The following PPP4R3C variants were observed in gnomAD, a reference collection of about 807,000 sequenced individuals.
PPP4R3C encodes the protein protein phosphatase 4 regulatory subunit 3C.
For synonymous variants in PPP4R3C, 150 were observed against 86.5 expected (o/e 1.73, Z -4.07); for missense variants, 372 against 237.3 (o/e 1.57, Z -3.73).
Position 27,461,432 on chromosome X carries a change from A to G in PPP4R3C, c.1865T>C (p.Ile622Thr). The change falls in exon 1 of 1, where the codon ATA (isoleucine) becomes ACA (threonine). Residue 622 changes from isoleucine (I) to threonine (T), a missense_variant. Ile to Thr is a moderately conservative substitution (Grantham distance 89). Coordinates refer to ENST00000412172, the MANE Select transcript of PPP4R3C (RefSeq NM_207319.4). ...VENIKPLVSH[I>T]VEKFYNTLES... ...AAGTGTGTTATAAAACTTTTCAACT[A>G]TATGTGAAACAAGAGGCTTGATATT... 1.9e-6 allele frequency: 1 copy of G among 515,878 alleles called. No individual in the cohort carries two copies. The highest frequency in any genetic ancestry group is 3.5e-6 in the Non-Finnish European group (1 of 286,958). The allele number at this position is 515,878 out of a possible 1,213,427, so 42.5% of individuals were successfully genotyped here.
Position 27,463,267 on chromosome X carries a change from G to C in PPP4R3C, c.30C>G (p.Val10=). ...ATTCCTCGTCTTCGTTCAGGACATA[G>C]ACTTTTACACTGTACCTCAGGCCTG... is the stretch of plus-strand genomic sequence containing the variant. MAGLRYSVK[V]YVLNEDEEWN... Residue 10 remains valine (V), a synonymous_variant, in exon 1 of 1, where the codon GTC becomes GTG. Coordinates refer to ENST00000412172, the MANE Select transcript of PPP4R3C (RefSeq NM_207319.4). 1 of 514,455 alleles carries C rather than the reference G, an allele frequency of 1.9e-6. No individual in the cohort carries two copies. Among genetic ancestry groups the C allele is most frequent in the Non-Finnish European group, 3.5e-6 (1 of 286,694 alleles). The allele number at this position is 514,455 out of a possible 1,213,427, so 42.4% of individuals were successfully genotyped here.
In PPP4R3C at chrX:27,463,263, C is replaced by T. The variant is rs189746792; in HGVS notation, c.34G>A (p.Val12Ile). The T allele has an allele frequency of 5.9e-6, 3 of 512,668 alleles. No individual in the cohort carries two copies. In the South Asian group the frequency reaches 7.4e-5, roughly 13 times the overall value. The allele number at this position is 512,668 out of a possible 1,213,427, so 42.2% of individuals were successfully genotyped here. ...AGLRYSVKVYVLNEDEEWNNL... is the reference protein window; with the variant it reads ...AGLRYSVKVYILNEDEEWNNL... ...TTCCATTCCTCGTCTTCGTTCAGGACATAGACTTTTACACTGTACCTCAGG... is the reference window on the plus strand; with the variant it reads ...TTCCATTCCTCGTCTTCGTTCAGGATATAGACTTTTACACTGTACCTCAGG... The change falls in exon 1 of 1, where the codon GTC becomes ATC. Residue 12 changes from valine (V) to isoleucine (I), a missense_variant. By Grantham distance (29) the Val-to-Ile change is conservative. Coordinates refer to ENST00000412172, the MANE Select transcript of PPP4R3C (RefSeq NM_207319.4).
At position 27,462,828 on chromosome X, in the gene PPP4R3C, T is replaced by G. The variant is rs189249657; in HGVS notation, c.469A>C (p.Thr157Pro). 473 of 513,982 alleles carry G rather than the reference T, an allele frequency of 9.2e-4. 1 individual carries two copies. Among genetic ancestry groups the G allele is most frequent in the African/African-American group, 8.9e-3 (385 of 43,447 alleles). 42.4% of individuals were successfully genotyped at this position (513,982 alleles called of 1,213,427 possible). Residue 157 changes from threonine (T) to proline (P), a missense_variant, in exon 1 of 1, where the codon ACG becomes CCG. By Grantham distance (38) the Thr-to-Pro change is conservative. Transcript: ENST00000412172. ...IVTSVFSSPV[T>P]DRERLAEILK... is the part of the protein sequence containing the mutation. The stretch of plus-strand genomic sequence containing the variant: ...ATCTCAGCCAGTCTTTCCCTATCCG[T>G]AACAGGTGACGAGAAAACTGAGGTA...
chrX:27,463,027 G>A lies in PPP4R3C; in HGVS notation c.270C>T (p.Cys90=), dbSNP rs1923004676. Residue 90 remains cysteine (C), a synonymous_variant, in exon 1 of 1, where the codon TGC becomes TGT. Coordinates refer to ENST00000412172, the MANE Select transcript of PPP4R3C (RefSeq NM_207319.4). ...LVLKFQDPAG[C]QDIWKEICQA... is the part of the protein sequence containing the mutation. ...GGCAAATTTCTTTCCAAATATCCTG[G>A]CAGCCGGCTGGGTCCTGGAATTTTA... 3.9e-6 allele frequency: 2 copies of A among 512,716 alleles called. No individual in the cohort carries two copies. Among genetic ancestry groups the A allele is most frequent in the African/African-American group, 2.3e-5 (1 of 43,026 alleles). 42.3% of individuals were successfully genotyped at this position (512,716 alleles called of 1,213,427 possible). A position where few individuals can be genotyped will look rare whatever the true frequency, so the allele number is the denominator to read the frequency against.
chrX:27,461,649 G>A lies in PPP4R3C; in HGVS notation c.1648C>T (p.His550Tyr). Residue 550 changes from histidine (H) to tyrosine (Y), a missense_variant, in exon 1 of 1, where the codon CAT becomes TAT. His to Tyr is a moderately conservative substitution (Grantham distance 83, BLOSUM62 2). Transcript: ENST00000412172. Reference sequence around the variant, plus strand: ...AGAACACACAAAATCAGGTGAGTATGCTTTGAATTCATCAATATCAAGGCC... The same window carrying A: ...AGAACACACAAAATCAGGTGAGTATACTTTGAATTCATCAATATCAAGGCC... ...RKALILMNSK[H>Y]THLILCVLRF... is the part of the protein sequence containing the mutation. 3.9e-6 allele frequency: 2 copies of A among 515,615 alleles called. No individual in the cohort carries two copies. The highest frequency in any genetic ancestry group is 7.0e-6 in the Non-Finnish European group (2 of 287,036). The allele number at this position is 515,615 out of a possible 1,213,427, so 42.5% of individuals were successfully genotyped here.
chrX:27,462,903 C>A lies in PPP4R3C; in HGVS notation c.394G>T (p.Val132Leu). The change falls in exon 1 of 1, where the codon GTG (valine) becomes TTG (leucine). Residue 132 changes from valine to leucine, a missense_variant. Transcript: ENST00000412172. ...GTATTGAGTTCACAGTCAGGCAGCA[C>A]AACCATATTACTAATTACTGACATT... Reference protein sequence around the residue: ...NEMSVISNMVVLPDCELNTLD... With the variant: ...NEMSVISNMVLLPDCELNTLD... 1.9e-6 allele frequency: 1 copy of A among 515,272 alleles called. No homozygotes were observed. The highest frequency in any genetic ancestry group is 2.3e-5 in the African/African-American group (1 of 43,905). The allele number at this position is 515,272 out of a possible 1,213,427, so 42.5% of individuals were successfully genotyped here.
In PPP4R3C at chrX:27,460,698, A is replaced by T; in HGVS notation, c.*100T>A. On this transcript the variant is annotated 3_prime_UTR_variant, in exon 1 of 1. Transcript: ENST00000412172. ...CTCGTTATATCTGTGATTTATCATT[A>T]TAAGTTCACATGAAAAAGCTTGTGG... is the stretch of plus-strand genomic sequence containing the variant. 1 of 418,116 alleles carries T rather than the reference A, an allele frequency of 2.4e-6. No individual in the cohort carries two copies. Among genetic ancestry groups the T allele is most frequent in the Non-Finnish European group, 4.1e-6 (1 of 243,557 alleles). 34.5% of individuals were successfully genotyped at this position (418,116 alleles called of 1,213,427 possible).
rs760590983 is a variant in PPP4R3C at position 27,462,934 on chromosome X, A to G, written c.363T>C (p.Phe121=). 3 of 515,181 alleles carry G rather than the reference A, an allele frequency of 5.8e-6. No homozygotes were observed. The highest frequency in any genetic ancestry group is 1.0e-5 in the Non-Finnish European group (3 of 287,067). 42.5% of individuals were successfully genotyped at this position (515,181 alleles called of 1,213,427 possible). A position where few individuals can be genotyped will look rare whatever the true frequency, so the allele number is the denominator to read the frequency against. ...TATTACTAATTACTGACATTTCATT[A>G]AAGTCTTCCTCTGGTTCATCTGAAA... ...VNISDEPEED[F]NEMSVISNMV... Residue 121 remains phenylalanine (F), a synonymous_variant, in exon 1 of 1, where the codon TTT becomes TTC. Coordinates refer to ENST00000412172, the MANE Select transcript of PPP4R3C (RefSeq NM_207319.4).
In PPP4R3C at chrX:27,463,180, C is replaced by A; in HGVS notation, c.117G>T (p.Ser39=). The change falls in exon 1 of 1, where the codon TCG becomes TCT. Residue 39 remains serine (S), a synonymous_variant. Coordinates refer to ENST00000412172, the MANE Select transcript of PPP4R3C (RefSeq NM_207319.4). The part of the protein sequence containing the change: ...STYDEQFQGM[S]LLVRSDSDGS... ...CATCTGAATCTGACCGAACAAGCAGCGACATGCCCTGGAACTGCTCGTCAT... is the reference window on the plus strand; with the variant it reads ...CATCTGAATCTGACCGAACAAGCAGAGACATGCCCTGGAACTGCTCGTCAT... 1.9e-6 allele frequency: 1 copy of A among 514,844 alleles called. No individual in the cohort carries two copies. The highest frequency in any genetic ancestry group is 3.5e-6 in the Non-Finnish European group (1 of 286,981). 42.4% of individuals were successfully genotyped at this position (514,844 alleles called of 1,213,427 possible).
chrX:27,462,028 C>G lies in PPP4R3C; in HGVS notation c.1269G>C (p.Met423Ile), dbSNP rs968573407. 1 of 528,725 alleles carries G rather than the reference C, an allele frequency of 1.9e-6. No individual in the cohort carries two copies. 43.6% of individuals were successfully genotyped at this position (528,725 alleles called of 1,213,427 possible). The change falls in exon 1 of 1, where the codon ATG (methionine) becomes ATC (isoleucine). Residue 423 changes from methionine (M) to isoleucine (I), a missense_variant. Transcript: ENST00000412172. ...CTAACTCAGGATCAGTATCACAGAT[C>G]ATTTGTTTAATTATTACATTAATGA... ...DLFINVIIKQ[M>I]ICDTDPELGG... is the part of the protein sequence containing the mutation.
rs1408912282 is a variant in PPP4R3C, at chrX:27,462,729, C to T, written c.568G>A (p.Gly190Ser). ...ATAATTTCATACAAATGGTGTAAAC[C>T]TTCAGTATTCTCTAGATTTTCACAA... ...HTCENLENTE[G>S]LHHLYEIIKG... The change falls in exon 1 of 1, where the codon GGT becomes AGT. Residue 190 changes from glycine to serine, a missense_variant. Transcript: ENST00000412172. The T allele has an allele frequency of 1.9e-6, 1 of 520,550 alleles. No homozygotes were observed. The allele number at this position is 520,550 out of a possible 1,213,427, so 42.9% of individuals were successfully genotyped here.
In PPP4R3C at chrX:27,461,023, T is replaced by C. The variant is rs750640410; in HGVS notation, c.2274A>G (p.Glu758=). The C allele has an allele frequency of 3.4e-4, 172 of 512,499 alleles. No individual in the cohort carries two copies. In the Middle Eastern group the frequency reaches 4.7e-3, roughly 14 times the overall value. 42.2% of individuals were successfully genotyped at this position (512,499 alleles called of 1,213,427 possible). ...FMETKRNQEH[E]GKVDSPKRTS... is the part of the protein sequence containing the mutation. ...TTCTTTTGGGAGAGTCTACCTTGCC[T>C]TCATGTTCTTGGTTTCTTTTAGTCT... The change falls in exon 1 of 1, where the codon GAA becomes GAG. Residue 758 remains glutamate (E), a synonymous_variant. Transcript: ENST00000412172.
rs1923000568 is a variant in PPP4R3C, at chrX:27,462,841, G to A, written c.456C>T (p.Phe152=). The A allele has an allele frequency of 1.9e-6, 1 of 513,746 alleles. No homozygotes were observed. The highest frequency in any genetic ancestry group is 3.5e-6 in the Non-Finnish European group (1 of 286,909). 42.3% of individuals were successfully genotyped at this position (513,746 alleles called of 1,213,427 possible). A position where few individuals can be genotyped will look rare whatever the true frequency, so the allele number is the denominator to read the frequency against. Residue 152 remains phenylalanine (F), a synonymous_variant, in exon 1 of 1, where the codon TTC becomes TTT. Transcript: ENST00000412172. ...TTTCCCTATCCGTAACAGGTGACGA[G>A]AAAACTGAGGTAACTATGTCAGCAA... ...DQIADIVTSV[F]SSPVTDRERL... is the part of the protein sequence containing the mutation.
At position 27,461,856 on chromosome X, in the gene PPP4R3C, C is replaced by A; in HGVS notation, c.1441G>T (p.Ala481Ser). Reference sequence around the variant, plus strand: ...TCCTCACAGTTGTGTTCTGAGGTGGCAGCCAAAAGTGGTGCTGTAAATTTA... The same window carrying A: ...TCCTCACAGTTGTGTTCTGAGGTGGAAGCCAAAAGTGGTGCTGTAAATTTA... ...MHKFTAPLLA[A>S]TSEHNCEEDD... The change falls in exon 1 of 1, where the codon GCC becomes TCC. Residue 481 changes from alanine to serine, a missense_variant. Ala to Ser is a moderately conservative substitution (Grantham distance 99, BLOSUM62 1). Transcript: ENST00000412172. 2 of 515,062 alleles carry A rather than the reference C, an allele frequency of 3.9e-6. No individual in the cohort carries two copies. Among genetic ancestry groups the A allele is most frequent in the Non-Finnish European group, 3.5e-6 (1 of 286,994 alleles). 42.4% of individuals were successfully genotyped at this position (515,062 alleles called of 1,213,427 possible).
Position 27,460,439 on chromosome X carries a change from A to C in PPP4R3C, c.*359T>G, listed in dbSNP as rs1028328697. On this transcript the variant is annotated 3_prime_UTR_variant, in exon 1 of 1. Transcript: ENST00000412172. ...TTATACAAGTAATTTGTAGGCTTTT[A>C]ACTGAACTGTTATTATTTCTAATAT... 8.1e-6 allele frequency: 1 copy of C among 123,906 alleles called. No homozygotes were observed. Among genetic ancestry groups the C allele is most frequent in the African/African-American group, 3.2e-5 (1 of 31,283 alleles). 10.2% of individuals were successfully genotyped at this position (123,906 alleles called of 1,213,427 possible).
chrX:27,460,728 A>C lies in PPP4R3C; in HGVS notation c.*70T>G. ...TTCACATGAAAAAGCTTGTGGAATC[A>C]GTCTTTTTAGCTTATGGACGTTTAT... On this transcript the variant is annotated 3_prime_UTR_variant, in exon 1 of 1. Coordinates refer to ENST00000412172, the MANE Select transcript of PPP4R3C (RefSeq NM_207319.4). 2.3e-6 allele frequency: 1 copy of C among 429,338 alleles called. No individual in the cohort carries two copies. The highest frequency in any genetic ancestry group is 4.0e-6 in the Non-Finnish European group (1 of 249,481). The allele number at this position is 429,338 out of a possible 1,213,427, so 35.4% of individuals were successfully genotyped here.
At position 27,461,786 on chromosome X, in the gene PPP4R3C, T is replaced by C. The variant is rs976676472; in HGVS notation, c.1511A>G (p.Asp504Gly). The C allele has an allele frequency of 5.8e-6, 3 of 513,957 alleles. No individual in the cohort carries two copies. In the African/African-American group the frequency reaches 6.9e-5, roughly 12 times the overall value. The allele number at this position is 513,957 out of a possible 1,213,427, so 42.4% of individuals were successfully genotyped here. A position where few individuals can be genotyped will look rare whatever the true frequency, so the allele number is the denominator to read the frequency against. ...GYDKSKNCPN[D>G]NQTAQLLALI... Reference sequence around the variant, plus strand: ...AGCAAGCAGTTGTGCTGTTTGATTATCATTGGGGCAATTTTTGCTTTTGTC... The same window carrying C: ...AGCAAGCAGTTGTGCTGTTTGATTACCATTGGGGCAATTTTTGCTTTTGTC... Residue 504 changes from aspartate (D) to glycine (G), a missense_variant, in exon 1 of 1, where the codon GAT becomes GGT. Asp to Gly is a moderately conservative substitution (Grantham distance 94). Transcript: ENST00000412172.
rs775870236 is a variant in PPP4R3C at position 27,461,923 on chromosome X, T to C, written c.1374A>G (p.Glu458=). The C allele has an allele frequency of 3.9e-6, 2 of 515,524 alleles. No homozygotes were observed. Among genetic ancestry groups the C allele is most frequent in the East Asian group, 7.2e-5 (2 of 27,782 alleles). 42.5% of individuals were successfully genotyped at this position (515,524 alleles called of 1,213,427 possible). A position where few individuals can be genotyped will look rare whatever the true frequency, so the allele number is the denominator to read the frequency against. Residue 458 remains glutamate, a synonymous_variant, in exon 1 of 1, where the codon GAA becomes GAG. Coordinates refer to ENST00000412172, the MANE Select transcript of PPP4R3C (RefSeq NM_207319.4). Reference sequence around the variant, plus strand: ...AGAAGAAATGTAGAAATTCACTTCTTTCACTTTTCTCAGGTGTTGTCAGCA... The same window carrying C: ...AGAAGAAATGTAGAAATTCACTTCTCTCACTTTTCTCAGGTGTTGTCAGCA... The part of the protein sequence containing the change: ...RNMLTTPEKS[E]RSEFLHFFYK...
rs1023034584 is a variant in PPP4R3C at position 27,460,848 on chromosome X, C to A, written c.2449G>T (p.Asp817Tyr). 2.0e-6 allele frequency: 1 copy of A among 510,585 alleles called. No individual in the cohort carries two copies. The highest frequency in any genetic ancestry group is 2.3e-5 in the African/African-American group (1 of 42,844). The allele number at this position is 510,585 out of a possible 1,213,427, so 42.1% of individuals were successfully genotyped here. Residue 817 changes from aspartate to tyrosine, a missense_variant, in exon 1 of 1, where the codon GAT becomes TAT. Asp to Tyr is a radical substitution (Grantham distance 160). Transcript: ENST00000412172. ...KEEDEEEKEE[D>Y]KEDETSPKKK... is the part of the protein sequence containing the mutation. ...TTGGGGGATGTTTCATCTTCTTTAT[C>A]TTCCTCTTTTTCTTCTTCATCTTCC...
Sources: gnomAD v4.1 joint callset for allele counts on GRCh38, gnomAD v4.1.1 for gene constraint, MANE v1.5 for transcripts, NCBI Gene and HGNC (gene_info 2026-07-23, HGNC 2026-07-21) for gene names.